The following PCDH15 variants were observed in gnomAD, a reference collection of about 807,000 sequenced individuals.
PCDH15 encodes the protein protocadherin related 15, also known as protocadherin-15.
PCDH15 carries 129 observed loss-of-function variants against 178.5 expected under a neutral mutation model. The observed-to-expected ratio is 0.72, with a 90% CI of 0.63 to 0.84. The LOEUF (loss-of-function observed/expected upper bound fraction) is 0.84. Ranked by LOEUF, PCDH15 falls within the 40% of genes least tolerant of loss-of-function variation. The pLI is 0.00. For missense variants in PCDH15, 2,230 were observed against 2,099.9 expected, an observed-to-expected ratio of 1.06 and a Z score of -1.21; for synonymous variants, 800 against 732.0, an observed-to-expected ratio of 1.09 and a Z score of -1.50.
chr10:54,101,640 A>C (rs904550669), intron 15 of PCDH15, among the ~76,000 whole-genome samples: 222 of 152,284 alleles, frequency 1.5e-3, no homozygotes, highest in African/African-American at 5.2e-3. Flanking sequence ...CTCCCAGTAA[A>C]ACAATCACAA....
intron 1 of PCDH15, among the ~76,000 whole-genome samples, chr10:54,763,379 G>T (rs1244980067): frequency 6.6e-6 from 1 of 151,990 alleles, no homozygotes; most frequent in Non-Finnish European, 1.5e-5. Flanking sequence ...TTTCAATAAG[G>T]GTAGAATGTA....
intron 23 of PCDH15, among the ~76,000 whole-genome samples, chr10:53,950,683 C>T (rs1439512682): frequency 1.3e-5 from 2 of 152,130 alleles, no homozygotes; most frequent in African/African-American, 4.8e-5. Context: ...AAATGAAGGT[C>T]AAATGTCATT....
chr10:55,099,124 A>G (rs1027266735), intron 2 of PCDH15, among the ~76,000 whole-genome samples: 2 of 151,928 alleles, frequency 1.3e-5, no homozygotes, highest in African/African-American at 4.8e-5. Flanking sequence ...ATTTTTTTGA[A>G]GAGATGTTGC....
chr10:53,975,119 T>G (rs1188831908), intron 21 of PCDH15, among the ~76,000 whole-genome samples: 1 of 152,206 alleles, frequency 6.6e-6, no homozygotes, highest in African/African-American at 2.4e-5. Context: ...GCTTTCATTC[T>G]TTTTTATGTT....
chr10:54,338,149 A>C (rs375070334), intron 6 of PCDH15, among the ~76,000 whole-genome samples: 31 of 152,296 alleles, frequency 2.0e-4, no homozygotes, highest in African/African-American at 6.7e-4. Context: ...GGGTTTTGAA[A>C]CTTAAAAGTC....
At chr10:54,020,550 G>GT (rs2092887046) in intron 19 of PCDH15, 134 bp from the exon 20 acceptor site, 3 of 906,568 alleles carry the variant, frequency 3.3e-6, no homozygotes, top group South Asian at 2.9e-5. Context: ...TTTTGTTTTT[G>GT]TTTTTTAAAA....
chr10:54,958,657 T>G (rs1838556889), intron 2 of PCDH15, among the ~76,000 whole-genome samples: 1 of 151,626 alleles, frequency 6.6e-6, no homozygotes, highest in Non-Finnish European at 1.5e-5. Context: ...CTGCCAAGTA[T>G]AGTACAACTT....
intron 3 of PCDH15, among the ~76,000 whole-genome samples, chr10:54,394,488 G>T (rs1349480167): frequency 1.3e-5 from 2 of 152,120 alleles, no homozygotes; most frequent in Non-Finnish European, 2.9e-5. Flanking sequence ...TTTCAAAAGG[G>T]GAGGGAGTGT....
chr10:54,488,004 G>A (rs183986900), intron 3 of PCDH15, among the ~76,000 whole-genome samples: 3 of 151,800 alleles, frequency 2.0e-5, no homozygotes, highest in Admixed American at 6.6e-5. Context: ...TGATAACCTG[G>A]GTTTTAAAGA....
rs536396265 is a variant in PCDH15 at position 55,418,937 on chromosome 10, T to C, written c.-156+208688A>G. Among the ~76,000 whole-genome samples the C allele has an allele frequency of 1.5e-3, 229 of 151,944 alleles. 1 individual carries two copies. Among genetic ancestry groups the C allele is most frequent in the African/African-American group, 5.1e-3 (210 of 41,536 alleles). ...AATGCTGTTTTCCTCATGAATTCTT[T>C]TTATATATTCCTACTTTTGAAAACA... is the stretch of plus-strand genomic sequence containing the variant. On this transcript the variant is annotated intron_variant, in intron 2 of 5. Transcript: ENST00000613346.
At chr10:53,914,803 G>A (rs1045665043) in intron 25 of PCDH15, among the ~76,000 whole-genome samples, 2 of 152,064 alleles carry the variant, frequency 1.3e-5, no homozygotes, top group Admixed American at 1.3e-4. Flanking sequence ...TCAATTAAAA[G>A]CAATCTATTA....
At chr10:55,361,166 G>A (rs902754901) in intron 2 of PCDH15, among the ~76,000 whole-genome samples, 1 of 151,972 alleles carries the variant, frequency 6.6e-6, no homozygotes, top group Non-Finnish European at 1.5e-5. Context: ...GTTAGAAGTT[G>A]TAACAGTGGT....
chr10:54,693,477 A>G lies in PCDH15; in HGVS notation c.-28-29187T>C, dbSNP rs1308272010. On this transcript the variant is annotated intron_variant, in intron 1 of 37. Coordinates refer to ENST00000644397, the MANE Select transcript of PCDH15 (RefSeq NM_001384140.1). ...TTTTCTGAGATCTTGGTTTCTTAATATTTGCAGTAGAAACAAATATTTTTT... is the reference window on the plus strand; with the variant it reads ...TTTTCTGAGATCTTGGTTTCTTAATGTTTGCAGTAGAAACAAATATTTTTT... Among the ~76,000 whole-genome samples, 6 of 152,260 alleles carry G rather than the reference A, an allele frequency of 3.9e-5. No homozygotes were observed. In the East Asian group the frequency reaches 1.2e-3, roughly 29 times the overall value.
chr10:55,487,196 T>C (rs1432596559), intron 2 of PCDH15, among the ~76,000 whole-genome samples: 1 of 151,634 alleles, frequency 6.6e-6, no homozygotes, highest in Non-Finnish European at 1.5e-5. Flanking sequence ...TGGGTCCTCA[T>C]TATTGCTTCA....
intron 3 of PCDH15, among the ~76,000 whole-genome samples, chr10:54,435,634 G>T (rs2075329772): frequency 6.6e-6 from 1 of 152,100 alleles, no homozygotes; most frequent in African/African-American, 2.4e-5. Context: ...TAAAATAGAA[G>T]CAGCTAATAG....
rs189723493 is a variant in PCDH15, at chr10:54,447,833, T to C, written c.158-68891A>G. Among the ~76,000 whole-genome samples the C allele has an allele frequency of 4.4e-3, 673 of 151,880 alleles. 3 individuals carry two copies. The highest frequency in any genetic ancestry group is 0.017 in the Middle Eastern group (5 of 294). ...AAGGATAACCAATCAATATTTCACA[T>C]GTATTTCTGTATGAATTTTGATTTG... On this transcript the variant is annotated intron_variant, in intron 3 of 37. Coordinates refer to ENST00000644397, the MANE Select transcript of PCDH15 (RefSeq NM_001384140.1).
intron 2 of PCDH15, among the ~76,000 whole-genome samples, chr10:55,482,442 T>C (rs760110120): frequency 6.6e-5 from 10 of 151,882 alleles, no homozygotes; most frequent in Non-Finnish European, 1.5e-4. Flanking sequence ...AGTGTTTTTG[T>C]AGTGGCTGCC....
chr10:55,154,593 C>T (rs1365069272), intron 2 of PCDH15, among the ~76,000 whole-genome samples: 1 of 152,038 alleles, frequency 6.6e-6, no homozygotes, highest in Non-Finnish European at 1.5e-5. Context: ...CAAAGAGGAT[C>T]AATAATACTA....
chr10:54,979,831 T>TGTGTAACATACAATAG (rs1839183347), intron 2 of PCDH15, among the ~76,000 whole-genome samples: 1 of 152,100 alleles, frequency 6.6e-6, no homozygotes, highest in Admixed American at 6.6e-5. Context: ...ACATACAATA[T>TGTGTAACATACAATAG]GTGTAACATA....
Sources: allele counts gnomAD v4.1 joint callset (sites outside exome capture counted in the v4.1 genomes callset), GRCh38; gene constraint gnomAD v4.1.1; transcripts MANE v1.5; gene names NCBI Gene and HGNC (gene_info 2026-07-23, HGNC 2026-07-21).